The following TIMD4 variants were observed in gnomAD, a reference collection of about 807,000 sequenced individuals.
TIMD4 encodes T cell immunoglobulin and mucin domain containing 4, also known as T-cell immunoglobulin and mucin domain-containing protein 4.
In TIMD4, 31 loss-of-function variants were observed where a neutral mutation model predicts 41.2. The ratio of observed to expected loss-of-function variants is 0.75; its 90% confidence interval spans 0.57 to 1.01. TIMD4 has a LOEUF of 1.01. Among genes scored for constraint, TIMD4 ranks in the 50% least tolerant of loss-of-function variants. The pLI, the probability that TIMD4 is intolerant of heterozygous loss-of-function variation, is 0.00. For synonymous variants in TIMD4, 204 were observed against 177.1 expected (o/e 1.15, Z -1.21); for missense variants, 479 against 472.5 (o/e 1.01, Z -0.13).
intron 1 of TIMD4, among the ~76,000 whole-genome samples, chr5:156,958,764 C>T (rs765283013): frequency 6.6e-6 from 1 of 152,216 alleles, no homozygotes; most frequent in African/African-American, 2.4e-5. Context: ...TTATTGCAGC[C>T]TCCATGTATA....
At chr5:156,949,042 C>T (rs1471949446) in intron 4 of TIMD4, among the ~76,000 whole-genome samples, 1 of 152,150 alleles carries the variant, frequency 6.6e-6, no homozygotes, top group East Asian at 1.9e-4. Flanking sequence ...AGGGCAGGGA[C>T]CCCCAGCAAA....
At chr5:156,934,726 T>C (rs1483931428) in intron 5 of TIMD4, among the ~76,000 whole-genome samples, 2 of 152,114 alleles carry the variant, frequency 1.3e-5, no homozygotes, top group Non-Finnish European at 2.9e-5. Flanking sequence ...AAAAAAAATG[T>C]TCTTAACGAA....
chr5:156,943,366 C>T (rs906163329), intron 5 of TIMD4, among the ~76,000 whole-genome samples: 1 of 152,136 alleles, frequency 6.6e-6, no homozygotes, highest in Non-Finnish European at 1.5e-5. Flanking sequence ...TTTGAGGAAA[C>T]TGAGATTCAG....
intron 5 of TIMD4, among the ~76,000 whole-genome samples, chr5:156,936,117 T>G (rs1057051450): frequency 6.6e-6 from 1 of 152,118 alleles, no homozygotes; most frequent in African/African-American, 2.4e-5. Flanking sequence ...TGCATGACTG[T>G]AGTCCCAGCT....
chr5:156,957,398 A>T (rs1941297977), intron 1 of TIMD4, among the ~76,000 whole-genome samples: 1 of 150,772 alleles, frequency 6.6e-6, no homozygotes, highest in Non-Finnish European at 1.5e-5. Flanking sequence ...CTGTAATCCC[A>T]GCTACTTGGG....
chr5:156,928,498 A>G (rs1423638854), intron 5 of TIMD4, among the ~76,000 whole-genome samples: 1 of 152,342 alleles, frequency 6.6e-6, no homozygotes, highest in Non-Finnish European at 1.5e-5. Context: ...ATGTAAAGTC[A>G]TATGTACAAT....
At chr5:156,945,801 TC>T (rs1267162584) in intron 5 of TIMD4, among the ~76,000 whole-genome samples, 1 of 152,122 alleles carries the variant, frequency 6.6e-6, no homozygotes, top group African/African-American at 2.4e-5. Context: ...GAGCTAGACA[TC>T]CCAGACCTGA....
chr5:156,950,460 TC>T (rs1199089441), intron 3 of TIMD4, among the ~76,000 whole-genome samples: 3 of 152,224 alleles, frequency 2.0e-5, no homozygotes, highest in African/African-American at 7.2e-5. Context: ...TAGGTACTAT[TC>T]AGAGTATAAT....
At chr5:156,942,091 G>C (rs371303287) in intron 5 of TIMD4, among the ~76,000 whole-genome samples, 1 of 152,186 alleles carries the variant, frequency 6.6e-6, no homozygotes. Flanking sequence ...GTTATTGTCA[G>C]AGCAATCTTC....
intron 5 of TIMD4, among the ~76,000 whole-genome samples, chr5:156,946,371 G>A (rs920946379): frequency 1.3e-5 from 2 of 152,198 alleles, no homozygotes; most frequent in African/African-American, 4.8e-5. Flanking sequence ...GCAGGCCAAA[G>A]CGTCTTAATA....
intron 8 of TIMD4, 32 bp downstream of exon 8, chr5:156,920,432 A>G (rs762247365): frequency 6.2e-7 from 1 of 1,610,962 alleles, no homozygotes; most frequent in Non-Finnish European, 8.5e-7. Context: ...TTGTACAATC[A>G]TTACAACACC....
chr5:156,962,308 A>G (rs1254101289), intron 1 of TIMD4, among the ~76,000 whole-genome samples: 1 of 152,142 alleles, frequency 6.6e-6, no homozygotes, highest in East Asian at 1.9e-4. Context: ...TCAAGAAATG[A>G]ATATCCCAAC....
chr5:156,926,892 T>C (rs75193417), intron 5 of TIMD4, among the ~76,000 whole-genome samples: 1,666 of 152,324 alleles, frequency 0.011, 31 homozygotes, highest in African/African-American at 0.038. Flanking sequence ...GAGTTTATGC[T>C]GAGAGGTGGA....
chr5:156,933,858 C>A (rs1193783204), intron 5 of TIMD4, among the ~76,000 whole-genome samples: 2 of 152,182 alleles, frequency 1.3e-5, no homozygotes, highest in African/African-American at 2.4e-5. Flanking sequence ...CCGTGCCCGG[C>A]CCTTTCTGGC....
In TIMD4 at chr5:156,948,244, TGAGA is replaced by T. The variant is rs997722705; in HGVS notation, c.844+168_844+171del. 7.4e-5 allele frequency among the ~76,000 whole-genome samples: 11 copies of T among 149,318 alleles called. No individual in the cohort carries two copies. The South Asian group carries it at 2.3e-3, about 31-fold the overall frequency. On this transcript the variant is annotated intron_variant, in intron 5 of 8. Transcript: ENST00000274532. ...GCCAGGCAAGCTGGCTCTAGAACTT[TGAGA>T]GGCCAAGGCAGGAGGATCACTTGAG...
intron 5 of TIMD4, among the ~76,000 whole-genome samples, chr5:156,934,832 A>T (rs1031233614): frequency 4.3e-4 from 65 of 152,360 alleles, no homozygotes; most frequent in African/African-American, 1.5e-3. Flanking sequence ...GGAAAAGAAG[A>T]GCACTCTGTC....
intron 5 of TIMD4, among the ~76,000 whole-genome samples, chr5:156,947,989 G>T (rs879568123): frequency 6.6e-6 from 1 of 152,222 alleles, no homozygotes; most frequent in Non-Finnish European, 1.5e-5. Flanking sequence ...CATAAGGTCA[G>T]CAGTTGCTAA....
rs10628617 is a variant in TIMD4, at chr5:156,933,006, A to AAAAAGAAAAGAAAAGAAAAG, written c.845-6714_845-6695dup. The stretch of plus-strand genomic sequence containing the variant: ...GCAACCGAGTAAGACTCTGTCTCAA[A>AAAAAGAAAAGAAAAGAAAAG]AAAAGAAAAGAAAAGAAAAGAAAAG... On this transcript the variant is annotated intron_variant, in intron 5 of 8. Transcript: ENST00000274532. Among the ~76,000 whole-genome samples the AAAAAGAAAAGAAAAGAAAAG allele has an allele frequency of 2.2e-3, 336 of 150,116 alleles. 1 individual carries two copies. Among genetic ancestry groups the AAAAAGAAAAGAAAAGAAAAG allele is most frequent in the African/African-American group, 5.2e-3 (211 of 40,416 alleles).
At chr5:156,926,104 G>A (rs112524926) in intron 6 of TIMD4, among the ~76,000 whole-genome samples, 159 bp downstream of exon 6, 23 of 152,264 alleles carry the variant, frequency 1.5e-4, no homozygotes, top group African/African-American at 4.3e-4. Context: ...GGGTTTTGCC[G>A]TGTTGGCCAG....
Sources: allele counts gnomAD v4.1 joint callset (sites outside exome capture counted in the v4.1 genomes callset), GRCh38; gene constraint gnomAD v4.1.1; transcripts MANE v1.5; gene names NCBI Gene and HGNC (gene_info 2026-07-23, HGNC 2026-07-21).